The following CCDC144A variants were observed in gnomAD, a reference collection of about 807,000 sequenced individuals.
CCDC144A encodes the protein coiled-coil domain containing 144A, also known as coiled-coil domain-containing protein 144A.
A neutral mutation model predicts 143.8 loss-of-function variants in CCDC144A; 41 were observed. That is an observed-to-expected ratio of 0.29 (90% CI 0.22 to 0.37). The LOEUF is 0.37. CCDC144A is among the 10% of genes least tolerant of loss of function. The pLI is 1.00. For synonymous variants in CCDC144A, 242 were observed against 517.9 expected (o/e 0.47, Z 7.23); for missense variants, 637 against 1,488.8 (o/e 0.43, Z 9.41).
chr17:16,755,426 G>T lies in CCDC144A; in HGVS notation c.3373-5999G>T, dbSNP rs1489254407. On this transcript the variant is annotated intron_variant, in intron 12 of 16. Transcript: ENST00000399273. ...CTACCAGTGAGTCTTACAGTTTTTT[G>T]ATTTTCATGGTGGTAGACATTGTCT... is the stretch of plus-strand genomic sequence containing the variant. Among the ~76,000 whole-genome samples the T allele has an allele frequency of 3.3e-5, 5 of 152,160 alleles. No individual in the cohort carries two copies. In the East Asian group the frequency reaches 5.8e-4, roughly 18 times the overall value.
chr17:16,706,477 C>G (rs1246926980), intron 3 of CCDC144A: 2 of 139,446 alleles, frequency 1.4e-5, no homozygotes, highest in Non-Finnish European at 3.0e-5. Flanking sequence ...TCCTGTCCTG[C>G]TGACCCATCC....
chr17:16,693,341 C>CG (rs1911202618), intron 2 of CCDC144A, among the ~76,000 whole-genome samples: 1 of 147,692 alleles, frequency 6.8e-6, no homozygotes, highest in African/African-American at 2.6e-5. Context: ...TTTTTTGAGA[C>CG]GGAGTCTCGC....
chr17:16,695,181 TC>T (rs770631667), intron 2 of CCDC144A: 26 of 152,254 alleles, frequency 1.7e-4, no homozygotes, highest in Non-Finnish European at 3.2e-4. Context: ...TGTGTTTTTT[TC>T]AACAGAATTT....
intron 10 of CCDC144A, among the ~76,000 whole-genome samples, chr17:16,732,221 T>C (rs1913769512): frequency 7.2e-6 from 1 of 138,282 alleles, no homozygotes; most frequent in South Asian, 2.4e-4. Context: ...ATCACTAATA[T>C]AGCTGTTCAT....
At chr17:16,747,050 T>C (rs1203358484) in intron 12 of CCDC144A, among the ~76,000 whole-genome samples, 2 of 152,062 alleles carry the variant, frequency 1.3e-5, no homozygotes, top group East Asian at 1.9e-4. Flanking sequence ...GGTCTTATTT[T>C]AAGAATGTAA....
At chr17:16,724,194 G>A (rs1042684433) in intron 8 of CCDC144A, among the ~76,000 whole-genome samples, 30 of 152,258 alleles carry the variant, frequency 2.0e-4, no homozygotes, top group African/African-American at 7.0e-4. Flanking sequence ...CATGTGGTCA[G>A]GGAACATACT....
intron 6 of CCDC144A, among the ~76,000 whole-genome samples, chr17:16,716,337 A>G (rs1912754094): frequency 6.6e-6 from 1 of 151,968 alleles, no homozygotes; most frequent in African/African-American, 2.4e-5. Flanking sequence ...CTCTTTGTTA[A>G]TGTATGTAGT....
At chr17:16,729,991 T>TATATATATATATATATATACAC (rs1491438660) in intron 9 of CCDC144A, among the ~76,000 whole-genome samples, 14 of 114,878 alleles carry the variant, frequency 1.2e-4, no homozygotes, top group African/African-American at 4.3e-4. Context: ...TATATATATA[T>TATATATATATATATATATACAC]ACACACATAC....
intron 12 of CCDC144A, among the ~76,000 whole-genome samples, chr17:16,750,655 C>T (rs1330115464): frequency 6.6e-6 from 1 of 151,692 alleles, no homozygotes; most frequent in East Asian, 1.9e-4. Context: ...CTTCCTCTCT[C>T]TCCTTCTCTT....
intron 12 of CCDC144A, among the ~76,000 whole-genome samples, chr17:16,744,251 G>A (rs1195707486): frequency 6.6e-6 from 1 of 152,174 alleles, no homozygotes. Flanking sequence ...TTTTAGTTCC[G>A]TGAGAGAAAC....
chr17:16,679,572 G>T, the CCDC144A span, among the ~76,000 whole-genome samples: 6 of 151,846 alleles, frequency 4.0e-5, no homozygotes, highest in East Asian at 1.2e-3. Context: ...GTGAGGTTCT[G>T]CCCACACCAA....
chr17:16,739,840 T>A (rs1477020296), intron 12 of CCDC144A, among the ~76,000 whole-genome samples: 1 of 151,724 alleles, frequency 6.6e-6, no homozygotes, highest in Non-Finnish European at 1.5e-5. Context: ...ACCAGTTGTC[T>A]TATGTAAGAA....
chr17:16,747,382 G>C (rs1914583759), intron 12 of CCDC144A, among the ~76,000 whole-genome samples: 1 of 152,204 alleles, frequency 6.6e-6, no homozygotes, highest in South Asian at 2.1e-4. Context: ...TGCTTAGGAT[G>C]GCTCTGGGTG....
chr17:16,732,771 A>G (rs1227088330), intron 11 of CCDC144A, 105 bp downstream of exon 11: 2 of 701,644 alleles, frequency 2.9e-6, no homozygotes, highest in Admixed American at 6.8e-5. Context: ...AACTACACAC[A>G]CACACACACA....
At position 16,776,504 on chromosome 17, in the gene CCDC144A, C is replaced by G. The variant is rs1342981665; in HGVS notation, c.*2871C>G. On this transcript the variant is annotated 3_prime_UTR_variant, in exon 17 of 17. Coordinates refer to ENST00000399273, the MANE Select transcript of CCDC144A (RefSeq NM_001382000.1). The stretch of plus-strand genomic sequence containing the variant: ...AATTCATGAGTTTTCTCTCGGCTTG[C>G]CTGTTGTTGGTGTATAGGAATGCTA... The G allele has an allele frequency of 6.6e-6, 1 of 152,202 alleles. No homozygotes were observed. Among genetic ancestry groups the G allele is most frequent in the South Asian group, 2.1e-4 (1 of 4,834 alleles). The allele number at this position is 152,202 out of a possible 1,614,324, so 9.4% of individuals were successfully genotyped here. A position where few individuals can be genotyped will look rare whatever the true frequency, so the allele number is the denominator to read the frequency against.
At chr17:16,689,728 G>C (rs1349140269), upstream of CCDC144A, 1 of 152,514 alleles carries the variant, frequency 6.6e-6, no homozygotes, top group African/African-American at 2.4e-5. Context: ...GGCCGAGTAG[G>C]AGCTGGGCGG....
intron 12 of CCDC144A, among the ~76,000 whole-genome samples, chr17:16,750,883 G>A (rs1914758412): frequency 6.6e-6 from 1 of 152,116 alleles, no homozygotes; most frequent in South Asian, 2.1e-4. Context: ...AGTTCAGTTT[G>A]ATTCTTTTTA....
At chr17:16,677,301 T>C in the CCDC144A span, among the ~76,000 whole-genome samples, 3 of 152,142 alleles carry the variant, frequency 2.0e-5, no homozygotes, top group Non-Finnish European at 4.4e-5. Context: ...CGGGCAAATG[T>C]AGAATTTAAG....
chr17:16,741,912 C>T lies in CCDC144A; in HGVS notation c.3372+6269C>T, dbSNP rs2621541. Among the ~76,000 whole-genome samples the T allele has an allele frequency of 3.7e-3, 569 of 152,090 alleles. 6 individuals carry two copies. The highest frequency in any genetic ancestry group is 0.013 in the African/African-American group (540 of 41,470). On this transcript the variant is annotated intron_variant, in intron 12 of 16. Transcript: ENST00000399273. ...TGTGTTGTGAACTTTCAAAATCCTC[C>T]CCTCTAGCTTTTTAAATATTAGCTA...
Sources: allele counts gnomAD v4.1 joint callset (sites outside exome capture counted in the v4.1 genomes callset), GRCh38; gene constraint gnomAD v4.1.1; transcripts MANE v1.5; gene names NCBI Gene and HGNC (gene_info 2026-07-23, HGNC 2026-07-21).